The following MIPOL1 variants were observed in gnomAD, a reference collection of about 807,000 sequenced individuals.
MIPOL1 encodes the protein mirror-image polydactyly 1.
In MIPOL1, 57 loss-of-function variants were observed where a neutral mutation model predicts 60.9. That is an observed-to-expected ratio of 0.94 (90% CI 0.76 to 1.17). The LOEUF is 1.17. Among genes scored for constraint, MIPOL1 ranks in the 50% most tolerant of loss-of-function variants. The probability of loss-of-function intolerance (pLI) is 0.00; values close to 1 mark genes in which losing one functional copy is unlikely to be tolerated. For synonymous variants in MIPOL1, 179 were observed against 168.8 expected, an observed-to-expected ratio of 1.06 and a Z score of -0.47; for missense variants, 551 against 511.6, an observed-to-expected ratio of 1.08 and a Z score of -0.74.
intron 11 of MIPOL1, among the ~76,000 whole-genome samples, chr14:37,441,938 C>A (rs1348397657): frequency 6.6e-6 from 1 of 152,038 alleles, no homozygotes; most frequent in East Asian, 1.9e-4. Context: ...GCTACAGTAT[C>A]TTTAATCTGT....
At chr14:37,218,015 G>C (rs577906611) in intron 1 of MIPOL1, among the ~76,000 whole-genome samples, 1 of 151,952 alleles carries the variant, frequency 6.6e-6, no homozygotes, top group African/African-American at 2.4e-5. Flanking sequence ...TTTTTATCTC[G>C]TTCAGAAGTT....
At position 37,283,057 on chromosome 14, in the gene MIPOL1, C is replaced by CTGTT. The variant is rs148441225; in HGVS notation, c.494-2235_494-2232dup. 2.0e-3 allele frequency among the ~76,000 whole-genome samples: 293 copies of CTGTT among 149,066 alleles called. 1 individual carries two copies. Among genetic ancestry groups the CTGTT allele is most frequent in the African/African-American group, 4.8e-3 (196 of 40,770 alleles). On this transcript the variant is annotated intron_variant, in intron 6 of 12. Coordinates refer to ENST00000684589, the MANE Select transcript of MIPOL1 (RefSeq NM_001388067.1). ...TGCTGTTTTTTTGTTTTTGATGTTG[C>CTGTT]TGTTTGTTTGTTTGTTTGTTTGTTT...
intron 1 of MIPOL1, among the ~76,000 whole-genome samples, chr14:37,200,509 G>C (rs1165151688): frequency 6.6e-6 from 1 of 152,098 alleles, no homozygotes; most frequent in Non-Finnish European, 1.5e-5. Flanking sequence ...TATTTGATTG[G>C]TAACAGTGGA....
At chr14:37,440,680 G>A (rs1178951656) in intron 11 of MIPOL1, among the ~76,000 whole-genome samples, 1 of 152,110 alleles carries the variant, frequency 6.6e-6, no homozygotes, top group African/African-American at 2.4e-5. Context: ...TATCTATGAT[G>A]GACACATAGG....
At chr14:37,487,218 G>A (rs1566697243) in intron 11 of MIPOL1, among the ~76,000 whole-genome samples, 1 of 152,102 alleles carries the variant, frequency 6.6e-6, no homozygotes, top group Non-Finnish European at 1.5e-5. Flanking sequence ...TTTTTGATAT[G>A]CTGCTGGATT....
intron 1 of MIPOL1, among the ~76,000 whole-genome samples, chr14:37,200,257 T>C (rs1409512769): frequency 6.6e-6 from 1 of 152,370 alleles, no homozygotes; most frequent in Middle Eastern, 3.4e-3. Context: ...TTACACATTC[T>C]TTTCTGTTTT....
intron 9 of MIPOL1, among the ~76,000 whole-genome samples, chr14:37,366,031 T>C (rs946554910): frequency 2.0e-5 from 3 of 152,116 alleles, no homozygotes; most frequent in Admixed American, 1.3e-4. Flanking sequence ...ATCCTTTGAA[T>C]TTCTGTCATA....
rs117103663 is a variant in MIPOL1, at chr14:37,236,771, G to A, written c.-198-10332G>A. Among the ~76,000 whole-genome samples the A allele has an allele frequency of 2.6e-4, 40 of 152,190 alleles. No homozygotes were observed. In the East Asian group the frequency reaches 6.8e-3, roughly 26 times the overall value. The stretch of plus-strand genomic sequence containing the variant: ...ATTTGTGCACTCTGTTCCTTGTTGT[G>A]TGTGATCAGTGACAGCTGTTCCTTT... On this transcript the variant is annotated intron_variant, in intron 1 of 12. Transcript: ENST00000684589.
At chr14:37,369,430 AATG>A in intron 9 of MIPOL1, 84 bp from the exon 10 acceptor site, 5 of 867,368 alleles carry the variant, frequency 5.8e-6, no homozygotes, top group Non-Finnish European at 9.1e-6. Flanking sequence ...TAGAGAATAC[AATG>A]ATATTATTTA....
At chr14:37,242,417 C>T (rs1384494313) in intron 1 of MIPOL1, among the ~76,000 whole-genome samples, 4 of 151,944 alleles carry the variant, frequency 2.6e-5, no homozygotes, top group African/African-American at 2.4e-5. Context: ...ATTGTTTTGA[C>T]CGAGGATATA....
intron 7 of MIPOL1, among the ~76,000 whole-genome samples, chr14:37,303,375 G>A (rs993007676): frequency 6.6e-6 from 1 of 151,714 alleles, no homozygotes; most frequent in African/African-American, 2.4e-5. Context: ...CCCTTATTCT[G>A]ATCAGTGTTA....
chr14:37,463,243 A>G (rs1037213367), intron 11 of MIPOL1, among the ~76,000 whole-genome samples: 2 of 152,040 alleles, frequency 1.3e-5, no homozygotes, highest in Admixed American at 1.3e-4. Flanking sequence ...ATCTCATGAG[A>G]CCCACTCACT....
intron 9 of MIPOL1, among the ~76,000 whole-genome samples, chr14:37,342,644 C>CT (rs917564806): frequency 6.6e-6 from 1 of 152,034 alleles, no homozygotes; most frequent in Non-Finnish European, 1.5e-5. Context: ...GATCCACCCT[C>CT]CTCAGCCTCC....
At chr14:37,245,024 A>G (rs374466466) in intron 1 of MIPOL1, among the ~76,000 whole-genome samples, 3 of 152,122 alleles carry the variant, frequency 2.0e-5, no homozygotes, top group South Asian at 2.1e-4. Context: ...CCAAATTCAT[A>G]AAGAGTTGGA....
chr14:37,270,796 T>C (rs2083249971), intron 6 of MIPOL1, among the ~76,000 whole-genome samples: 2 of 152,050 alleles, frequency 1.3e-5, no homozygotes, highest in South Asian at 4.1e-4. Flanking sequence ...TTGTTTGTTT[T>C]GTTGGAAGGG....
intron 12 of MIPOL1, 67 bp from the exon 13 acceptor site, chr14:37,546,838 C>G (rs1378674423): frequency 8.0e-7 from 1 of 1,253,728 alleles, no homozygotes; most frequent in Non-Finnish European, 1.2e-6. Flanking sequence ...CCTTTATCAG[C>G]CAGGACATTC....
intron 1 of MIPOL1, among the ~76,000 whole-genome samples, chr14:37,220,350 T>C (rs189807204): frequency 2.0e-5 from 3 of 152,234 alleles, no homozygotes; most frequent in African/African-American, 7.2e-5. Context: ...TAATGAATTA[T>C]TTTTTGAAGT....
intron 9 of MIPOL1, among the ~76,000 whole-genome samples, chr14:37,349,984 TA>T (rs2091235911): frequency 6.6e-6 from 1 of 152,234 alleles, no homozygotes; most frequent in Non-Finnish European, 1.5e-5. Context: ...TATTTTTTTT[TA>T]AATCTGAATT....
intron 1 of MIPOL1, among the ~76,000 whole-genome samples, chr14:37,243,170 A>G (rs997347864): frequency 5.9e-5 from 9 of 152,166 alleles, no homozygotes; most frequent in East Asian, 1.9e-4. Flanking sequence ...TAATTTAAAT[A>G]TATGCCTTTT....
Sources: gnomAD v4.1 joint callset for allele counts (sites outside exome capture counted in the v4.1 genomes callset) on GRCh38, gnomAD v4.1.1 for gene constraint, MANE v1.5 for transcripts, NCBI Gene and HGNC (gene_info 2026-07-23, HGNC 2026-07-21) for gene names.